RUFY3: variants seen among roughly 807,000 people sequenced by gnomAD.
RUFY3 encodes protein RUFY3.
Under a neutral mutation model 84.0 loss-of-function variants are expected in RUFY3, and 34 were observed. That is an observed-to-expected ratio of 0.40 (90% confidence interval 0.31 to 0.54). The LOEUF is 0.54. RUFY3 is among the 20% of genes least tolerant of loss of function. The pLI, the probability that RUFY3 is intolerant of heterozygous loss-of-function variation, is 0.39. For synonymous variants in RUFY3, 242 were observed against 252.9 expected, an observed-to-expected ratio of 0.96 and a Z score of 0.41; for missense variants, 507 against 736.8, an observed-to-expected ratio of 0.69 and a Z score of 3.61.
rs1326463518 is a variant in RUFY3, at chr4:70,783,202, A to G, written c.987+19A>G. ...TCGGAAGGTTAATCTTACTGGATTTATAAAATATTCACTGAGAGCATATCA... is the reference window on the plus strand; with the variant it reads ...TCGGAAGGTTAATCTTACTGGATTTGTAAAATATTCACTGAGAGCATATCA... On this transcript the variant is annotated intron_variant, in intron 9 of 17. Transcript: ENST00000381006. The G allele has an allele frequency of 6.8e-7, 1 of 1,467,776 alleles. No homozygotes were observed. Among genetic ancestry groups the G allele is most frequent in the East Asian group, 2.3e-5 (1 of 44,124 alleles). The allele number at this position is 1,467,776 out of a possible 1,614,324, so 90.9% of individuals were successfully genotyped here.
chr4:70,760,659 T>C (rs1038593526), intron 1 of RUFY3, among the ~76,000 whole-genome samples: 1 of 152,206 alleles, frequency 6.6e-6, no homozygotes, highest in African/African-American at 2.4e-5. Context: ...ATGGCTGTCT[T>C]TCAGGGCATA....
At position 70,709,279 on chromosome 4, in the gene RUFY3, A is replaced by T. The variant is rs189166036; in HGVS notation, c.358+3985A>T. 4.1e-4 allele frequency among the ~76,000 whole-genome samples: 63 copies of T among 152,340 alleles called. 1 individual carries two copies. Among genetic ancestry groups the T allele is most frequent in the Admixed American group, 2.9e-3 (44 of 15,302 alleles). On this transcript the variant is annotated intron_variant, in intron 1 of 11. Transcript: ENST00000417478. ...TTTTATACTTCTAACTTTAAATCTCATAAAACTCTCTGCCATGCCTTTTAA... is the reference window on the plus strand; with the variant it reads ...TTTTATACTTCTAACTTTAAATCTCTTAAAACTCTCTGCCATGCCTTTTAA...
In RUFY3 at chr4:70,746,340, T is replaced by TAAA. The variant is rs570194881; in HGVS notation, c.179-16164_179-16162dup. Reference sequence around the variant, plus strand: ...GCCTGGTTGACAGAGCAAGACTCCTTAAAAAAAAAAAAAAAAATTAGCCAG... The same window carrying TAAA: ...GCCTGGTTGACAGAGCAAGACTCCTTAAAAAAAAAAAAAAAAAAAATTAGCCAG... On this transcript the variant is annotated intron_variant, in intron 1 of 17. Transcript: ENST00000381006. 8.1e-3 allele frequency among the ~76,000 whole-genome samples: 1,093 copies of TAAA among 135,686 alleles called. 68 individuals carry two copies. In the East Asian group the frequency reaches 0.14, roughly 18 times the overall value. The allele number at this position is 135,686 out of a possible 152,430, so 89.0% of individuals were successfully genotyped here.
rs1224648901 is a variant in RUFY3 at position 70,807,175 on chromosome 4, C to CT, written c.*517dup. On this transcript the variant is annotated 3_prime_UTR_variant, in exon 18 of 18. Coordinates refer to ENST00000381006, the MANE Select transcript of RUFY3 (RefSeq NM_001037442.4). ...ACCTCTTTAAAGTATTTCTACCAAA[C>CT]TGTGAACCCAATCTCAGGGAAAAGA... The CT allele has an allele frequency of 6.6e-6, 1 of 152,178 alleles. No homozygotes were observed. Among genetic ancestry groups the CT allele is most frequent in the African/African-American group, 2.4e-5 (1 of 41,434 alleles). The allele number at this position is 152,178 out of a possible 1,614,324, so 9.4% of individuals were successfully genotyped here.
In RUFY3 at chr4:70,721,989, A is replaced by G; in HGVS notation, c.-585A>G. 3 of 1,232,182 alleles carry G rather than the reference A, an allele frequency of 2.4e-6. No individual in the cohort carries two copies. Among genetic ancestry groups the G allele is most frequent in the Non-Finnish European group, 3.0e-6 (3 of 987,988 alleles). The allele number at this position is 1,232,182 out of a possible 1,614,324, so 76.3% of individuals were successfully genotyped here. Reference sequence around the variant, plus strand: ...AGTTCATTAGTCAGCCATTTTGGTCAACACCCTGCTTACTGCGCACGGCCA... The same window carrying G: ...AGTTCATTAGTCAGCCATTTTGGTCGACACCCTGCTTACTGCGCACGGCCA... On this transcript the variant is annotated 5_prime_UTR_variant, in exon 1 of 18. Coordinates refer to ENST00000381006, the MANE Select transcript of RUFY3 (RefSeq NM_001037442.4).
At chr4:70,742,074 G>A (rs1411298575) in intron 1 of RUFY3, among the ~76,000 whole-genome samples, 2 of 149,618 alleles carry the variant, frequency 1.3e-5, no homozygotes, top group South Asian at 4.2e-4. Context: ...ATGTTGCTCT[G>A]ATTTGTAGAT....
At chr4:70,803,904 T>C (rs1732553355) in intron 16 of RUFY3, among the ~76,000 whole-genome samples, 1 of 149,628 alleles carries the variant, frequency 6.7e-6, no homozygotes, top group Non-Finnish European at 1.5e-5. Context: ...TTTTTTAATA[T>C]ATATATTTTT....
At chr4:70,741,665 C>T (rs1329982593) in intron 1 of RUFY3, 6 of 1,520,360 alleles carry the variant, frequency 3.9e-6, no homozygotes, top group East Asian at 2.5e-5. Context: ...GGAGCAAATG[C>T]GCGATGATAC....
intron 4 of RUFY3, among the ~76,000 whole-genome samples, chr4:70,764,990 A>G (rs1199399732): frequency 6.6e-6 from 1 of 152,086 alleles, no homozygotes; most frequent in African/African-American, 2.4e-5. Flanking sequence ...GTCTGAGACC[A>G]GCCTGGTCAA....
At chr4:70,773,451 G>A in intron 5 of RUFY3, 60 bp from the exon 6 acceptor site, 1 of 1,194,432 alleles carries the variant, frequency 8.4e-7, no homozygotes, top group Non-Finnish European at 1.2e-6. Flanking sequence ...AGGAGACATT[G>A]TGTTATGCCT....
chr4:70,788,835 C>T lies in RUFY3; in HGVS notation c.1101C>T (p.Ile367=). Residue 367 remains isoleucine, a synonymous_variant, in exon 11 of 18, where the codon ATC becomes ATT. Transcript: ENST00000381006. ...TTGAGAAAGAACTGGAGATGCAGATCAGCATGAGGCAGGAGATGGAATTGG... is the reference window on the plus strand; with the variant it reads ...TTGAGAAAGAACTGGAGATGCAGATTAGCATGAGGCAGGAGATGGAATTGG... ...LDVEKELEMQ[I]SMRQEMELAM... 1 of 1,613,960 alleles carries T rather than the reference C, an allele frequency of 6.2e-7. No individual in the cohort carries two copies. Among genetic ancestry groups the T allele is most frequent in the Non-Finnish European group, 8.5e-7 (1 of 1,179,934 alleles).
chr4:70,723,434 C>T (rs1054415160), intron 1 of RUFY3, among the ~76,000 whole-genome samples: 4 of 152,082 alleles, frequency 2.6e-5, no homozygotes, highest in Non-Finnish European at 5.9e-5. Flanking sequence ...TTGGCCATTG[C>T]TTTTTATAAA....
intron 4 of RUFY3, among the ~76,000 whole-genome samples, chr4:70,766,960 T>G (rs932462653): frequency 1.3e-5 from 2 of 152,234 alleles, no homozygotes; most frequent in Non-Finnish European, 2.9e-5. Flanking sequence ...AGGGGTTTAC[T>G]GTCTCTGTGG....
chr4:70,725,972 G>A (rs1035444658), intron 1 of RUFY3, among the ~76,000 whole-genome samples: 2 of 152,252 alleles, frequency 1.3e-5, no homozygotes, highest in African/African-American at 4.8e-5. Context: ...GTAGTGAAAA[G>A]CTACTGGTGC....
At chr4:70,737,719 CA>C (rs1291230689) in intron 1 of RUFY3, among the ~76,000 whole-genome samples, 22 of 149,064 alleles carry the variant, frequency 1.5e-4, no homozygotes. Flanking sequence ...CTCTGTCAAC[CA>C]GGCTGGAGTG....
intron 1 of RUFY3, among the ~76,000 whole-genome samples, chr4:70,758,316 A>G (rs1360218805): frequency 6.6e-6 from 1 of 152,232 alleles, no homozygotes; most frequent in Non-Finnish European, 1.5e-5. Flanking sequence ...TTAATGATTT[A>G]ATATTCATTA....
At chr4:70,734,471 AAAGT>A in intron 1 of RUFY3, 1 of 985,364 alleles carries the variant, frequency 1.0e-6, no homozygotes, top group Non-Finnish European at 1.2e-6. Flanking sequence ...TGAACTTCTC[AAAGT>A]GAGAAGGTTG....
intron 1 of RUFY3, among the ~76,000 whole-genome samples, chr4:70,757,537 G>A (rs185543667): frequency 7.2e-4 from 110 of 152,216 alleles, no homozygotes; most frequent in African/African-American, 2.5e-3. Flanking sequence ...CCAGGAAGAC[G>A]AGGTTGCAGT....
chr4:70,786,117 G>A (rs1174089926), intron 10 of RUFY3, among the ~76,000 whole-genome samples: 1 of 152,172 alleles, frequency 6.6e-6, no homozygotes, highest in African/African-American at 2.4e-5. Flanking sequence ...GGTGAACCTG[G>A]AGGACATTAT....
Sources: allele counts gnomAD v4.1 joint callset (sites outside exome capture counted in the v4.1 genomes callset), GRCh38; gene constraint gnomAD v4.1.1; transcripts MANE v1.5; gene names NCBI Gene and HGNC (gene_info 2026-07-23, HGNC 2026-07-21).